SLC16A5: variants seen among roughly 807,000 people sequenced by gnomAD.
SLC16A5 encodes the protein solute carrier family 16 member 5.
Under a neutral mutation model 33.2 loss-of-function variants are expected in SLC16A5, and 29 were observed. The observed-to-expected ratio is 0.87, with a 90% CI of 0.65 to 1.19. The LOEUF is 1.19. Among genes scored for constraint, SLC16A5 ranks in the 50% most tolerant of loss-of-function variants. The pLI is 0.00. For missense variants in SLC16A5, 606 were observed against 678.2 expected, an observed-to-expected ratio of 0.89 and a Z score of 1.18; for synonymous variants, 248 against 284.1, an observed-to-expected ratio of 0.87 and a Z score of 1.28.
At chr17:75,090,527 C>T (rs2073624307) in intron 2 of SLC16A5, among the ~76,000 whole-genome samples, 1 of 148,480 alleles carries the variant, frequency 6.7e-6, no homozygotes. Flanking sequence ...GTGATGCGAT[C>T]TTGGCTCACC....
At chr17:75,105,545 G>A (rs546716956) in intron 6 of SLC16A5, 6 of 985,196 alleles carry the variant, frequency 6.1e-6, no homozygotes, top group Non-Finnish European at 7.2e-6. Context: ...TGTGACTGGC[G>A]GTCCAAGCTC....
intron 5 of SLC16A5, among the ~76,000 whole-genome samples, chr17:75,102,450 A>C (rs945372960): frequency 6.6e-6 from 1 of 152,214 alleles, no homozygotes; most frequent in Non-Finnish European, 1.5e-5. Flanking sequence ...ATTACCTTCT[A>C]GGGCAGGAGT....
downstream of SLC16A5, chr17:75,106,216 G>A (rs774544809): frequency 6.2e-5 from 27 of 436,998 alleles, no homozygotes; most frequent in African/African-American, 1.0e-4. Context: ...AGTCTGACTC[G>A]GTGAGCATCC....
chr17:75,105,093 G>A (rs563209343), intron 6 of SLC16A5: 578 of 985,210 alleles, frequency 5.9e-4, no homozygotes, highest in Non-Finnish European at 6.7e-4. Context: ...GCTGCCCCCA[G>A]TGAAGGTCAT....
intron 6 of SLC16A5, 167 bp downstream of exon 6, chr17:75,104,347 C>T: frequency 7.0e-7 from 1 of 1,437,298 alleles, no homozygotes; most frequent in South Asian, 1.5e-5. Flanking sequence ...TGTCCAGGCT[C>T]TGCAAGCTGG....
At chr17:75,095,689 T>A (rs2073708587) in intron 3 of SLC16A5, among the ~76,000 whole-genome samples, 1 of 151,142 alleles carries the variant, frequency 6.6e-6, no homozygotes, top group African/African-American at 2.4e-5. Flanking sequence ...AGATGGAGTC[T>A]CGCTCTGTTG....
rs1252156955 is a variant in SLC16A5 at position 75,100,774 on chromosome 17, G to C, written c.1111G>C (p.Val371Leu). Residue 371 changes from valine (V) to leucine (L), a missense_variant, in exon 5 of 7, where the codon GTC (valine) becomes CTC (leucine). Transcript: ENST00000329783. Reference sequence around the variant, plus strand: ...CCCCAGAGCCCTGGGACTCTTCACTGTCCTGGACGGCCTTGCTTTCCTCAT... The same window carrying C: ...CCCCAGAGCCCTGGGACTCTTCACTCTCCTGGACGGCCTTGCTTTCCTCAT... ...QFPRALGLFTVLDGLAFLISP... is the reference protein window; with the variant it reads ...QFPRALGLFTLLDGLAFLISP... The C allele has an allele frequency of 6.2e-7, 1 of 1,610,702 alleles. No homozygotes were observed. Among genetic ancestry groups the C allele is most frequent in the South Asian group, 1.1e-5 (1 of 90,866 alleles).
downstream of SLC16A5, among the ~76,000 whole-genome samples, chr17:75,109,402 G>C (rs918474468): frequency 3.9e-5 from 6 of 152,154 alleles, no homozygotes; most frequent in Non-Finnish European, 8.8e-5. This position sits in a 1 kb window ranked among gnomAD's most constrained non-coding sequence, Gnocchi z 5.0. Flanking sequence ...GATGGGGGGC[G>C]TAAGGAGCTG....
At chr17:75,108,859 T>C (rs117800084), downstream of SLC16A5, among the ~76,000 whole-genome samples, 2,676 of 152,198 alleles carry the variant, frequency 0.018, 36 homozygotes, top group Non-Finnish European at 0.03. Context: ...TTGTGCAAGG[T>C]TGTGGTTTTT....
At chr17:75,105,378 A>T (rs950323244) in intron 6 of SLC16A5, 17 of 985,306 alleles carry the variant, frequency 1.7e-5, no homozygotes, top group Non-Finnish European at 1.8e-5. Context: ...AGGCAGCCCG[A>T]AGACTGTTGT....
chr17:75,102,560 A>G (rs1486305095), intron 5 of SLC16A5, among the ~76,000 whole-genome samples: 4 of 113,484 alleles, frequency 3.5e-5, no homozygotes, highest in African/African-American at 1.9e-4. Context: ...GAGGCAGCTG[A>G]GAGTGTGAGA....
intron 2 of SLC16A5, 74 bp downstream of exon 2, chr17:75,089,378 T>C (rs893890585): frequency 6.6e-6 from 1 of 151,514 alleles, no homozygotes; most frequent in African/African-American, 2.4e-5. Flanking sequence ...TTCTTGCTTA[T>C]AGTGTGGAAG....
At position 75,100,642 on chromosome 17, in the gene SLC16A5, G is replaced by A. The variant is rs1388094950; in HGVS notation, c.979G>A (p.Asp327Asn). The part of the protein sequence containing the change: ...LTNLVCAASG[D>N]FWVLVGYCLA... ...TAACCTGGTGTGTGCGGCATCAGGT[G>A]ACTTCTGGGTGCTCGTGGGCTACTG... is the stretch of plus-strand genomic sequence containing the variant. Residue 327 changes from aspartate to asparagine, a missense_variant, in exon 5 of 7, where the codon GAC becomes AAC. Asp to Asn is a conservative substitution (Grantham distance 23). Coordinates refer to ENST00000329783, the MANE Select transcript of SLC16A5 (RefSeq NM_004695.4). 6.2e-7 allele frequency: 1 copy of A among 1,614,232 alleles called. No homozygotes were observed. The highest frequency in any genetic ancestry group is 2.2e-5 in the East Asian group (1 of 44,882).
At chr17:75,107,769 T>A (rs2073873735), downstream of SLC16A5, among the ~76,000 whole-genome samples, 1 of 152,192 alleles carries the variant, frequency 6.6e-6, no homozygotes, top group Non-Finnish European at 1.5e-5. Context: ...AAACCTCGTC[T>A]CTATTAAAAA....
At chr17:75,104,655 G>T in intron 6 of SLC16A5, 2 of 629,894 alleles carry the variant, frequency 3.2e-6, no homozygotes, top group Non-Finnish European at 4.0e-6. Context: ...TCTCTATGTT[G>T]GTCAGGCTGG....
At chr17:75,103,839 G>GT in intron 5 of SLC16A5, 131 bp from the exon 6 acceptor site, 1 of 743,366 alleles carries the variant, frequency 1.3e-6, no homozygotes, top group Non-Finnish European at 2.3e-6. Context: ...TATCTGTTGA[G>GT]TGTCTACTGG....
rs948156284 is a variant in SLC16A5 at position 75,100,846 on chromosome 17, T to C, written c.1153+30T>C. 4 of 1,530,594 alleles carry C rather than the reference T, an allele frequency of 2.6e-6. No individual in the cohort carries two copies. The African/African-American group carries it at 4.1e-5, about 16-fold the overall frequency. 94.8% of individuals were successfully genotyped at this position (1,530,594 alleles called of 1,614,324 possible). On this transcript the variant is annotated intron_variant, in intron 5 of 6. Coordinates refer to ENST00000329783, the MANE Select transcript of SLC16A5 (RefSeq NM_004695.4). Reference sequence around the variant, plus strand: ...GGAGCTGGGAGGGAGGGCAGCCAGATAGTGTGGTAAAAGGGGAACAGTTTA... The same window carrying C: ...GGAGCTGGGAGGGAGGGCAGCCAGACAGTGTGGTAAAAGGGGAACAGTTTA...
chr17:75,093,024 T>A (rs2073663304), intron 2 of SLC16A5, among the ~76,000 whole-genome samples: 1 of 152,058 alleles, frequency 6.6e-6, no homozygotes, highest in African/African-American at 2.4e-5. Flanking sequence ...CTTGTTAAAC[T>A]CCTTTGTGTA....
intron 5 of SLC16A5, among the ~76,000 whole-genome samples, chr17:75,101,508 G>A (rs2073798825): frequency 7.2e-6 from 1 of 137,944 alleles, no homozygotes; most frequent in Non-Finnish European, 1.5e-5. Context: ...GTTGCAGTGA[G>A]CTGAGATCAC....
Sources: gnomAD v4.1 joint callset for allele counts (sites outside exome capture counted in the v4.1 genomes callset) on GRCh38, gnomAD v4.1.1 for gene constraint, Gnocchi (gnomAD v3.1) non-coding constraint, MANE v1.5 for transcripts, NCBI Gene and HGNC (gene_info 2026-07-23, HGNC 2026-07-21) for gene names.